CYTH1: variants seen among roughly 807,000 people sequenced by gnomAD.
CYTH1 encodes cytohesin 1.
A neutral mutation model predicts 61.8 loss-of-function variants in CYTH1; 18 were observed. The ratio of observed to expected loss-of-function variants is 0.29; its 90% CI spans 0.20 to 0.43. CYTH1 has a LOEUF of 0.43. Among genes scored for constraint, CYTH1 ranks in the 20% least tolerant of loss-of-function variants. The pLI is 1.00. For synonymous variants in CYTH1, 174 were observed against 184.3 expected, an observed-to-expected ratio of 0.94 and a Z score of 0.45; for missense variants, 336 against 510.5, an observed-to-expected ratio of 0.66 and a Z score of 3.29.
At chr17:78,716,346 T>C (rs1289096962) in intron 1 of CYTH1, among the ~76,000 whole-genome samples, 1 of 152,178 alleles carries the variant, frequency 6.6e-6, no homozygotes, top group African/African-American at 2.4e-5. Flanking sequence ...TATGACAATT[T>C]GAAAACAAAA....
chr17:78,753,529 A>ATAAGTAAG lies in CYTH1; in HGVS notation c.22+28672_22+28673insCTTACTTA, dbSNP rs149134431. 1.2e-3 allele frequency among the ~76,000 whole-genome samples: 182 copies of ATAAGTAAG among 151,954 alleles called. 1 individual carries two copies. Among genetic ancestry groups the ATAAGTAAG allele is most frequent in the African/African-American group, 4.1e-3 (168 of 41,418 alleles). The stretch of plus-strand genomic sequence containing the variant: ...AATAAATAAATAAATAAATAAATAA[A>ATAAGTAAG]TAAAGATAACAACAAAGAATCGGAG... On this transcript the variant is annotated intron_variant, in intron 1 of 13. Transcript: ENST00000446868.
Position 78,700,238 on chromosome 17 carries a change from T to A in CYTH1, c.550+93A>T. On this transcript the variant is annotated intron_variant, in intron 7 of 13. Transcript: ENST00000446868. This position sits in a 1 kb window ranked among gnomAD's most constrained non-coding sequence, Gnocchi z 5.1. ...TTGAGTAAACGTTCCTAGGCATGAATCTCAGCCCTTTTGTTTTAGAAATTA... is the reference window on the plus strand; with the variant it reads ...TTGAGTAAACGTTCCTAGGCATGAAACTCAGCCCTTTTGTTTTAGAAATTA... 9.0e-7 allele frequency: 1 copy of A among 1,108,578 alleles called. No homozygotes were observed. Among genetic ancestry groups the A allele is most frequent in the South Asian group, 1.6e-5 (1 of 61,408 alleles). 68.7% of individuals were successfully genotyped at this position (1,108,578 alleles called of 1,614,324 possible).
At chr17:78,765,306 C>T (rs996165711) in intron 1 of CYTH1, among the ~76,000 whole-genome samples, 1 of 151,952 alleles carries the variant, frequency 6.6e-6, no homozygotes, top group Non-Finnish European at 1.5e-5. Flanking sequence ...AAGGTAGACC[C>T]CAAAGTCTAG....
chr17:78,739,458 G>C (rs1340841853), intron 1 of CYTH1, among the ~76,000 whole-genome samples: 2 of 152,230 alleles, frequency 1.3e-5, no homozygotes, highest in African/African-American at 2.4e-5. Flanking sequence ...TGCAGTCAGG[G>C]AAGGCCTCTG....
At chr17:78,688,022 C>G (rs2092834556) in intron 11 of CYTH1, among the ~76,000 whole-genome samples, 1 of 152,306 alleles carries the variant, frequency 6.6e-6, no homozygotes, top group Non-Finnish European at 1.5e-5. Flanking sequence ...AGGCCATGTA[C>G]TTTAATGTGG....
rs900061128 is a variant in CYTH1, at chr17:78,675,882, C to T, written c.*209G>A. On this transcript the variant is annotated 3_prime_UTR_variant, in exon 14 of 14. Coordinates refer to ENST00000446868, the MANE Select transcript of CYTH1 (RefSeq NM_004762.6). ...AGAGAGGAAGGCTCTGGAGCCCATG[C>T]TGGACAGGTGGCCGGTCCTCTCTTC... 52 of 1,488,384 alleles carry T rather than the reference C, an allele frequency of 3.5e-5. No individual in the cohort carries two copies. The highest frequency in any genetic ancestry group is 2.0e-4 in the Middle Eastern group (1 of 5,030). 92.2% of individuals were successfully genotyped at this position (1,488,384 alleles called of 1,614,324 possible). A position where few individuals can be genotyped will look rare whatever the true frequency, so the allele number is the denominator to read the frequency against.
Position 78,701,801 on chromosome 17 carries a change from A to G in CYTH1, c.357-50T>C, listed in dbSNP as rs756703094. ...GAGAGAAAGCAGGAGTCAGGCACCA[A>G]CACTGAGAATCTCCAGCCAGGCCAT... On this transcript the variant is annotated intron_variant, in intron 5 of 13. Coordinates refer to ENST00000446868, the MANE Select transcript of CYTH1 (RefSeq NM_004762.6). 1.3e-5 allele frequency: 20 copies of G among 1,578,882 alleles called. No homozygotes were observed. In the East Asian group the frequency reaches 3.6e-4, roughly 28 times the overall value.
At chr17:78,727,661 C>T in intron 1 of CYTH1, 1 of 471,058 alleles carries the variant, frequency 2.1e-6, no homozygotes, top group Non-Finnish European at 4.4e-6. Flanking sequence ...CACCTACCAG[C>T]AGGGCAAGGC....
At chr17:78,748,154 G>A (rs557652776) in intron 1 of CYTH1, among the ~76,000 whole-genome samples, 5 of 152,198 alleles carry the variant, frequency 3.3e-5, no homozygotes, top group South Asian at 4.2e-4. Flanking sequence ...CCACACACCG[G>A]AAACAAACTA....
rs1010956553 is a variant in CYTH1 at position 78,676,194 on chromosome 17, CAG to C, written c.1119-27_1119-26del. The C allele has an allele frequency of 2.6e-5, 42 of 1,591,624 alleles. 2 individuals carry two copies. The Admixed American group carries it at 5.2e-4, about 20-fold the overall frequency. On this transcript the variant is annotated intron_variant, in intron 13 of 13. Coordinates refer to ENST00000446868, the MANE Select transcript of CYTH1 (RefSeq NM_004762.6). The stretch of plus-strand genomic sequence containing the variant: ...TCTGGAGCACAGAAAAGGGAGAAAA[CAG>C]AGACGTGAGGGACAGAATCAGAAGA...
rs138787707 is a variant in CYTH1, at chr17:78,707,532, T to C, written c.170+665A>G. 1.8e-3 allele frequency among the ~76,000 whole-genome samples: 273 copies of C among 152,304 alleles called. 1 individual carries two copies. Among genetic ancestry groups the C allele is most frequent in the African/African-American group, 6.3e-3 (261 of 41,568 alleles). ...GACACTCCAGCCCTTTGAAATCGTATCAGCAGCATTCATTAAGCTTTTCCT... is the reference window on the plus strand; with the variant it reads ...GACACTCCAGCCCTTTGAAATCGTACCAGCAGCATTCATTAAGCTTTTCCT... On this transcript the variant is annotated intron_variant, in intron 3 of 13. Transcript: ENST00000446868.
At chr17:78,765,521 G>C (rs1009154275) in intron 1 of CYTH1, among the ~76,000 whole-genome samples, 1 of 152,204 alleles carries the variant, frequency 6.6e-6, no homozygotes, top group African/African-American at 2.4e-5. Flanking sequence ...AGCCAGTGTG[G>C]AGTAGAGGAG....
At chr17:78,711,206 G>T (rs949903851) in intron 1 of CYTH1, among the ~76,000 whole-genome samples, 8 of 151,346 alleles carry the variant, frequency 5.3e-5, no homozygotes, top group African/African-American at 1.9e-4. Flanking sequence ...AGGTTGCAGT[G>T]AGCCGAGATC....
rs1234141383 is a variant in CYTH1 at position 78,760,557 on chromosome 17, GTATA to G, written c.22+21641_22+21644del. 1.3e-4 allele frequency among the ~76,000 whole-genome samples: 3 copies of G among 22,482 alleles called. 1 individual carries two copies. The highest frequency in any genetic ancestry group is 2.5e-4 in the Non-Finnish European group (3 of 11,886). The allele number at this position is 22,482 out of a possible 152,430, so 14.7% of individuals were successfully genotyped here. The stretch of plus-strand genomic sequence containing the variant: ...CATACATATATATGTATATATATAT[GTATA>G]TATATATACACATACATATATATGT... On this transcript the variant is annotated intron_variant, in intron 1 of 13. Coordinates refer to ENST00000446868, the MANE Select transcript of CYTH1 (RefSeq NM_004762.6).
At chr17:78,759,963 A>C (rs1263670180) in intron 1 of CYTH1, among the ~76,000 whole-genome samples, 1 of 152,182 alleles carries the variant, frequency 6.6e-6, no homozygotes, top group Non-Finnish European at 1.5e-5. Flanking sequence ...ATGTGTGTAC[A>C]AGCATGTGCA....
At chr17:78,779,161 G>A (rs2093505954) in intron 1 of CYTH1, among the ~76,000 whole-genome samples, 2 of 152,118 alleles carry the variant, frequency 1.3e-5, no homozygotes, top group African/African-American at 4.8e-5. Flanking sequence ...AGCACTTTGG[G>A]AGGCTTAGGC....
chr17:78,773,733 AT>A (rs2093480576), intron 1 of CYTH1, among the ~76,000 whole-genome samples: 2 of 151,476 alleles, frequency 1.3e-5, no homozygotes, highest in African/African-American at 4.8e-5. Context: ...AAGACAATAT[AT>A]GGGTTGAGAG....
intron 8 of CYTH1, among the ~76,000 whole-genome samples, 178 bp downstream of exon 8, chr17:78,698,642 T>TCC (rs1488814157): frequency 6.6e-6 from 1 of 152,186 alleles, no homozygotes; most frequent in Non-Finnish European, 1.5e-5. Context: ...CACTGTCCCC[T>TCC]CCCTGATTCC....
intron 10 of CYTH1, among the ~76,000 whole-genome samples, chr17:78,695,531 T>G (rs534169641): frequency 6.6e-6 from 1 of 152,332 alleles, no homozygotes; most frequent in East Asian, 1.9e-4. Context: ...TCCATAGCTT[T>G]GGGAAGTCAA....
Sources: allele counts gnomAD v4.1 joint callset (sites outside exome capture counted in the v4.1 genomes callset), GRCh38; gene constraint gnomAD v4.1.1; non-coding constraint Gnocchi (gnomAD v3.1); transcripts MANE v1.5; gene names NCBI Gene and HGNC (gene_info 2026-07-23, HGNC 2026-07-21).